RPS6KA1: variants seen among roughly 807,000 people sequenced by gnomAD.
RPS6KA1 encodes the protein ribosomal protein S6 kinase A1.
Under a neutral mutation model 91.3 loss-of-function variants are expected in RPS6KA1, and 48 were observed. The observed-to-expected ratio is 0.53, with a 90% CI of 0.42 to 0.67. RPS6KA1 has a LOEUF of 0.67. RPS6KA1 is among the 30% of genes least tolerant of loss of function. The pLI is 0.00. For synonymous variants in RPS6KA1, 359 were observed against 384.7 expected (o/e 0.93, Z 0.78); for missense variants, 719 against 960.5 (o/e 0.75, Z 3.32).
intron 1 of RPS6KA1, 65 bp downstream of exon 1, chr1:26,530,048 G>T: frequency 1.8e-6 from 2 of 1,125,566 alleles, no homozygotes; most frequent in Non-Finnish European, 2.2e-6. Context: ...CAGGGGCGGG[G>T]CGGCCCGAAG....
In RPS6KA1 at chr1:26,574,295, A is replaced by T; in HGVS notation, c.*94A>T. 1 of 1,527,928 alleles carries T rather than the reference A, an allele frequency of 6.5e-7. No individual in the cohort carries two copies. The highest frequency in any genetic ancestry group is 2.3e-5 in the East Asian group (1 of 44,414). 94.6% of individuals were successfully genotyped at this position (1,527,928 alleles called of 1,614,324 possible). Reference sequence around the variant, plus strand: ...AGGCCGGAACCACAGGGCCAGAGGGAGCTGGAACCCGAGGGGCCGGGGAAG... The same window carrying T: ...AGGCCGGAACCACAGGGCCAGAGGGTGCTGGAACCCGAGGGGCCGGGGAAG... On this transcript the variant is annotated 3_prime_UTR_variant, in exon 22 of 22. Transcript: ENST00000374168. The surrounding 1 kb of genome is among the most constrained non-coding windows in gnomAD (Gnocchi z 4.3).
rs1294745044 is a variant in RPS6KA1, at chr1:26,574,998, G to A, written c.*797G>A. On this transcript the variant is annotated 3_prime_UTR_variant, in exon 22 of 22. Coordinates refer to ENST00000374168, the MANE Select transcript of RPS6KA1 (RefSeq NM_002953.4). The surrounding 1 kb of genome is among the most constrained non-coding windows in gnomAD (Gnocchi z 4.3). ...GGTTACTCAGGGTTCATCTGTCCAT[G>A]GCCTTTCTAATAAACTGTTGAGTTG... is the stretch of plus-strand genomic sequence containing the variant. 1 of 159,166 alleles carries A rather than the reference G, an allele frequency of 6.3e-6. No homozygotes were observed. Among genetic ancestry groups the A allele is most frequent in the Non-Finnish European group, 1.4e-5 (1 of 72,104 alleles). 9.9% of individuals were successfully genotyped at this position (159,166 alleles called of 1,614,324 possible). A position where few individuals can be genotyped will look rare whatever the true frequency, so the allele number is the denominator to read the frequency against.
chr1:26,541,871 G>A (rs1459882566), intron 2 of RPS6KA1, among the ~76,000 whole-genome samples: 1 of 152,198 alleles, frequency 6.6e-6, no homozygotes, highest in East Asian at 1.9e-4. Context: ...GGGAACCCTA[G>A]AGACCACGGA....
chr1:26,552,934 T>C (rs74062509), intron 6 of RPS6KA1: 8,190 of 330,202 alleles, frequency 0.025, 637 homozygotes, highest in African/African-American at 0.17. Flanking sequence ...AACTTTCCCA[T>C]GTTTCTTTTG....
Position 26,571,144 on chromosome 1 carries a change from T to G in RPS6KA1, c.1591-305T>G. ...CTCAAAAAAAAAAGACTTTTAAGAT[T>G]TTGACCTAAGTAACAGGAAGGATGG... On this transcript the variant is annotated intron_variant, in intron 17 of 21. Coordinates refer to ENST00000374168, the MANE Select transcript of RPS6KA1 (RefSeq NM_002953.4). This position sits in a 1 kb window ranked among gnomAD's most constrained non-coding sequence, Gnocchi z 5.1. The G allele has an allele frequency of 3.4e-6, 1 of 295,914 alleles. No individual in the cohort carries two copies. Among genetic ancestry groups the G allele is most frequent in the East Asian group, 6.6e-5 (1 of 15,062 alleles). 18.3% of individuals were successfully genotyped at this position (295,914 alleles called of 1,614,324 possible).
chr1:26,555,886 G>T lies in RPS6KA1; in HGVS notation c.916+261G>T, dbSNP rs538688884. Among the ~76,000 whole-genome samples the T allele has an allele frequency of 6.6e-6, 1 of 152,126 alleles. No individual in the cohort carries two copies. Among genetic ancestry groups the T allele is most frequent in the African/African-American group, 2.4e-5 (1 of 41,414 alleles). ...ACAGAGGCCCCCACACAGCTTCTCC[G>T]CCAAGGCTGCTGGCACAAGAGAAAT... On this transcript the variant is annotated intron_variant, in intron 11 of 21. Coordinates refer to ENST00000374168, the MANE Select transcript of RPS6KA1 (RefSeq NM_002953.4). This position sits in a 1 kb window ranked among gnomAD's most constrained non-coding sequence, Gnocchi z 4.3.
intron 17 of RPS6KA1, among the ~76,000 whole-genome samples, chr1:26,562,875 C>T (rs149680367): frequency 3.2e-5 from 4 of 126,760 alleles, no homozygotes; most frequent in South Asian, 2.4e-4. Flanking sequence ...TTGCTCCTGT[C>T]GCCCAGGCTG....
Position 26,561,105 on chromosome 1 carries a change from C to T in RPS6KA1, c.1402C>T (p.Gln468Ter), listed in dbSNP as rs1356088799. 6.2e-7 allele frequency: 1 copy of T among 1,614,074 alleles called. No homozygotes were observed. Among genetic ancestry groups the T allele is most frequent in the Non-Finnish European group, 8.5e-7 (1 of 1,179,990 alleles). The change falls in exon 16 of 22, where the codon CAG (glutamine) becomes TAG (stop). Residue 468 changes from glutamine (Q) to a stop codon, truncating the protein, a stop_gained. Transcript: ENST00000374168. LOFTEE classifies it high-confidence loss of function. This position sits in a 1 kb window ranked among gnomAD's most constrained non-coding sequence, Gnocchi z 5.7. ...EEIEILLRYG[Q>*]HPNIITLKDV... ...GATTGAGATTCTTCTGCGGTATGGC[C>T]AGCACCCCAACATCATCACTCTGAA...
Position 26,555,522 on chromosome 1 carries a change from C to T in RPS6KA1, c.828-15C>T, listed in dbSNP as rs528115119. 126 of 1,572,488 alleles carry T rather than the reference C, an allele frequency of 8.0e-5. 1 individual carries two copies. In the South Asian group the frequency reaches 9.2e-4, roughly 11 times the overall value. ...GGCAGGGCTCAGCCTTGATGAGTCC[C>T]GGGGGCTGTTTCAGGGCGAAGCTAG... On this transcript the variant is annotated splice_polypyrimidine_tract_variant and intron_variant, in intron 10 of 21. Transcript: ENST00000374168. This position sits in a 1 kb window ranked among gnomAD's most constrained non-coding sequence, Gnocchi z 4.3.
rs2076124339 is a variant in RPS6KA1 at position 26,558,391 on chromosome 1, C to T, written c.1085-416C>T. On this transcript the variant is annotated intron_variant, in intron 13 of 21. Coordinates refer to ENST00000374168, the MANE Select transcript of RPS6KA1 (RefSeq NM_002953.4). The surrounding 1 kb of genome is among the most constrained non-coding windows in gnomAD (Gnocchi z 4.0). ...GATCACAGGGCCCTCAATTGCCAGA[C>T]TCAGGAGCTGGACTTACTCCTGAAG... is the stretch of plus-strand genomic sequence containing the variant. 6.6e-6 allele frequency among the ~76,000 whole-genome samples: 1 copy of T among 152,144 alleles called. No individual in the cohort carries two copies. The highest frequency in any genetic ancestry group is 6.6e-5 in the Admixed American group (1 of 15,264).
At chr1:26,573,452 C>G in intron 21 of RPS6KA1, 91 bp downstream of exon 21, 1 of 1,430,086 alleles carries the variant, frequency 7.0e-7, no homozygotes, top group Non-Finnish European at 9.7e-7. Flanking sequence ...AATGCCATGT[C>G]TGTACCAAGC....
Position 26,561,467 on chromosome 1 carries a change from C to T in RPS6KA1, c.1432-38C>T. The T allele has an allele frequency of 1.2e-6, 2 of 1,613,820 alleles. No individual in the cohort carries two copies. Among genetic ancestry groups the T allele is most frequent in the South Asian group, 1.1e-5 (1 of 91,068 alleles). On this transcript the variant is annotated intron_variant, in intron 16 of 21. Coordinates refer to ENST00000374168, the MANE Select transcript of RPS6KA1 (RefSeq NM_002953.4). This position sits in a 1 kb window ranked among gnomAD's most constrained non-coding sequence, Gnocchi z 5.7. ...TGCTGACCAGGGGGCTCAGGCCTGA[C>T]ACTGGGGAGAAGAGCCTGATGGTGA...
chr1:26,540,781 C>A lies in RPS6KA1; in HGVS notation c.108+3812C>A, dbSNP rs1264204650. On this transcript the variant is annotated intron_variant, in intron 2 of 21. Coordinates refer to ENST00000374168, the MANE Select transcript of RPS6KA1 (RefSeq NM_002953.4). The surrounding 1 kb of genome is among the most constrained non-coding windows in gnomAD (Gnocchi z 4.2). Reference sequence around the variant, plus strand: ...GCCTGGGCAACACAGGGAGACCCATCCTCTACAAAAAACAAAATTTTTTTT... The same window carrying A: ...GCCTGGGCAACACAGGGAGACCCATACTCTACAAAAAACAAAATTTTTTTT... Among the ~76,000 whole-genome samples the A allele has an allele frequency of 6.6e-6, 1 of 151,996 alleles. No homozygotes were observed. The highest frequency in any genetic ancestry group is 1.5e-5 in the Non-Finnish European group (1 of 68,006).
At chr1:26,562,415 C>T (rs1328777569) in intron 17 of RPS6KA1, among the ~76,000 whole-genome samples, 1 of 152,058 alleles carries the variant, frequency 6.6e-6, no homozygotes, top group African/African-American at 2.4e-5. Context: ...TAGGAAGTGG[C>T]AGGGTCACCG....
Position 26,547,078 on chromosome 1 carries a change from T to C in RPS6KA1, c.225+95T>C. ...GGGGCCCAAAGGATCAGAGGTCACC[T>C]TGGTACCCAGGGAGAGCAAAAAGGT... On this transcript the variant is annotated intron_variant, in intron 3 of 21. Transcript: ENST00000374168. The surrounding 1 kb of genome is among the most constrained non-coding windows in gnomAD (Gnocchi z 4.1). 1.3e-6 allele frequency: 2 copies of C among 1,524,370 alleles called. No homozygotes were observed. Among genetic ancestry groups the C allele is most frequent in the South Asian group, 1.1e-5 (1 of 89,168 alleles). The allele number at this position is 1,524,370 out of a possible 1,614,324, so 94.4% of individuals were successfully genotyped here.
intron 4 of RPS6KA1, among the ~76,000 whole-genome samples, chr1:26,549,025 T>A (rs2076021926): frequency 6.6e-6 from 1 of 151,012 alleles, no homozygotes. Flanking sequence ...CGGAAAGACA[T>A]GCAGGAGGAG....
chr1:26,541,091 T>G (rs2075943415), intron 2 of RPS6KA1, among the ~76,000 whole-genome samples: 1 of 151,148 alleles, frequency 6.6e-6, no homozygotes, highest in Non-Finnish European at 1.5e-5. Flanking sequence ...CGCCCGGCCC[T>G]CTACAAAAAA....
chr1:26,555,530 G>A lies in RPS6KA1; in HGVS notation c.828-7G>A. On this transcript the variant is annotated splice_polypyrimidine_tract_variant and splice_region_variant and intron_variant, in intron 10 of 21. Transcript: ENST00000374168. The surrounding 1 kb of genome is among the most constrained non-coding windows in gnomAD (Gnocchi z 4.3). ...TCAGCCTTGATGAGTCCCGGGGGCT[G>A]TTTCAGGGCGAAGCTAGGCATGCCC... 3 of 1,581,538 alleles carry A rather than the reference G, an allele frequency of 1.9e-6. No individual in the cohort carries two copies. The highest frequency in any genetic ancestry group is 1.2e-5 in the South Asian group (1 of 86,922).
At position 26,574,169 on chromosome 1, in the gene RPS6KA1, C is replaced by T; in HGVS notation, c.2176C>T (p.Arg726Ter). 3 of 1,614,152 alleles carry T rather than the reference C, an allele frequency of 1.9e-6. No individual in the cohort carries two copies. Among genetic ancestry groups the T allele is most frequent in the Non-Finnish European group, 2.5e-6 (3 of 1,180,034 alleles). ...PIESSILAQRRVRKLPSTTL is the reference protein window; with the variant it reads ...PIESSILAQR ...CGAGTCATCCATCCTGGCCCAGCGG[C>T]GAGTGAGGAAGTTGCCATCCACCAC... The change falls in exon 22 of 22, where the codon CGA (arginine) becomes TGA (stop). Residue 726 changes from arginine (R) to a stop codon, truncating the protein, a stop_gained. Coordinates refer to ENST00000374168, the MANE Select transcript of RPS6KA1 (RefSeq NM_002953.4). LOFTEE classifies it high-confidence loss of function. The surrounding 1 kb of genome is among the most constrained non-coding windows in gnomAD (Gnocchi z 4.3).
Sources: gnomAD v4.1 joint callset for allele counts (sites outside exome capture counted in the v4.1 genomes callset) on GRCh38, gnomAD v4.1.1 for gene constraint, Gnocchi (gnomAD v3.1) non-coding constraint, MANE v1.5 for transcripts, NCBI Gene and HGNC (gene_info 2026-07-23, HGNC 2026-07-21) for gene names.